Variants in KAZN observed in about 807,000 individuals in gnomAD.
KAZN encodes the protein kazrin.
In KAZN, 40 loss-of-function variants were observed where a neutral mutation model predicts 87.4. The ratio of observed to expected loss-of-function variants is 0.46; its 90% CI spans 0.36 to 0.60. The LOEUF (loss-of-function observed/expected upper bound fraction) is 0.60, where lower values mean the gene tolerates loss of function less well. Among genes scored for constraint, KAZN ranks in the 20% least tolerant of loss-of-function variants. The pLI, the probability that KAZN is intolerant of heterozygous loss-of-function variation, is 0.00. For missense variants in KAZN, 898 were observed against 1,073.9 expected, an observed-to-expected ratio of 0.84 and a Z score of 2.29; for synonymous variants, 466 against 458.3, an observed-to-expected ratio of 1.02 and a Z score of -0.22.
chr1:14,769,756 G>A lies in KAZN; in HGVS notation c.226+170533G>A, dbSNP rs1255797418. On this transcript the variant is annotated intron_variant, in intron 1 of 14. Coordinates refer to ENST00000376030, the MANE Select transcript of KAZN (RefSeq NM_201628.3). This position sits in a 1 kb window ranked among gnomAD's most constrained non-coding sequence, Gnocchi z 4.1. ...TTCGTTCATTTAGTCAGCAAACATG[G>A]ATTGACCATCCTCTGTGTGCTGCCA... 2.0e-5 allele frequency among the ~76,000 whole-genome samples: 3 copies of A among 152,202 alleles called. No homozygotes were observed. The highest frequency in any genetic ancestry group is 3.9e-4 in the East Asian group (2 of 5,188).
chr1:14,382,563 G>A (rs1373133900), intron 2 of KAZN, among the ~76,000 whole-genome samples: 13 of 146,958 alleles, frequency 8.8e-5, no homozygotes, highest in East Asian at 8.3e-4. Flanking sequence ...GTGAGAATAT[G>A]CGGTGTTTGG....
At chr1:14,531,466 A>G (rs532880950) in intron 2 of KAZN, among the ~76,000 whole-genome samples, 2 of 152,298 alleles carry the variant, frequency 1.3e-5, no homozygotes, top group African/African-American at 2.4e-5. Context: ...GGCAGAACCC[A>G]TCAGGATCAC....
intron 1 of KAZN, among the ~76,000 whole-genome samples, chr1:14,883,322 G>GAA (rs1653564925): frequency 5.6e-5 from 2 of 35,932 alleles, no homozygotes; most frequent in African/African-American, 1.5e-4. Flanking sequence ...GAAAGAAAGA[G>GAA]AGAGAGAGAG....
rs535968123 is a variant in KAZN, at chr1:14,969,394, G to A, written c.418+8519G>A. ...ATGTTCCTCTTTAGTAAATTCATAC[G>A]CTTGAAGCTACTGCTGTTTCTTTAG... is the stretch of plus-strand genomic sequence containing the variant. On this transcript the variant is annotated intron_variant, in intron 2 of 14. Coordinates refer to ENST00000376030, the MANE Select transcript of KAZN (RefSeq NM_201628.3). Among the ~76,000 whole-genome samples, 17 of 152,302 alleles carry A rather than the reference G, an allele frequency of 1.1e-4. No homozygotes were observed. In the East Asian group the frequency reaches 2.3e-3, roughly 21 times the overall value.
At chr1:14,082,190 C>T (rs1643700550) in intron 1 of KAZN, among the ~76,000 whole-genome samples, 1 of 152,144 alleles carries the variant, frequency 6.6e-6, no homozygotes, top group African/African-American at 2.4e-5. Flanking sequence ...TGTATTTATT[C>T]TCTTCTAAGT....
chr1:14,185,016 C>T lies in KAZN; in HGVS notation c.249+4424C>T, dbSNP rs552773066. Among the ~76,000 whole-genome samples the T allele has an allele frequency of 9.2e-5, 14 of 152,228 alleles. No individual in the cohort carries two copies. The South Asian group carries it at 1.5e-3, about 16-fold the overall frequency. ...TTATCTGGAGCTTTCTAGCTGCTGC[C>T]GGCTTTAGGGTTATGCCTATGAATG... On this transcript the variant is annotated intron_variant, in intron 2 of 16. Transcript: ENST00000636203.
chr1:14,053,164 G>A (rs1365388824), intron 1 of KAZN, among the ~76,000 whole-genome samples: 1 of 152,174 alleles, frequency 6.6e-6, no homozygotes, highest in Admixed American at 6.5e-5. Flanking sequence ...AGTTGCTGTT[G>A]TTCTCCCACT....
At chr1:14,491,310 AT>A (rs1193798534) in intron 2 of KAZN, among the ~76,000 whole-genome samples, 1 of 151,980 alleles carries the variant, frequency 6.6e-6, no homozygotes, top group Non-Finnish European at 1.5e-5. Context: ...CTCTTTTTTT[AT>A]TATTGTTATA....
At chr1:14,628,047 C>T (rs1296969073) in intron 1 of KAZN, among the ~76,000 whole-genome samples, 4 of 152,130 alleles carry the variant, frequency 2.6e-5, no homozygotes, top group Admixed American at 6.5e-5. Context: ...TAGGCAGCAC[C>T]CATCCATCCA....
chr1:14,612,102 T>A (rs1677869633), intron 1 of KAZN, among the ~76,000 whole-genome samples: 1 of 152,136 alleles, frequency 6.6e-6, no homozygotes, highest in Admixed American at 6.5e-5. Flanking sequence ...AGGAGGAGCT[T>A]AATAAATGGT....
intron 2 of KAZN, among the ~76,000 whole-genome samples, chr1:14,361,393 G>A (rs1659499689): frequency 4.6e-5 from 7 of 152,242 alleles, no homozygotes; most frequent in Admixed American, 4.6e-4. Flanking sequence ...GACCTGCTGA[G>A]CACTTGGGTG....
At chr1:14,119,162 ATCT>A (rs1460031873) in intron 1 of KAZN, among the ~76,000 whole-genome samples, 1 of 152,182 alleles carries the variant, frequency 6.6e-6, no homozygotes, top group Admixed American at 6.5e-5. Context: ...TTTTAAAAAA[ATCT>A]TCTTTCCCGC....
At chr1:14,948,661 G>T (rs1470193221) in intron 1 of KAZN, among the ~76,000 whole-genome samples, 1 of 152,154 alleles carries the variant, frequency 6.6e-6, no homozygotes, top group Non-Finnish European at 1.5e-5. Flanking sequence ...GTCCAGCGGG[G>T]GCTAATAGAG....
At chr1:14,736,933 A>C (rs1291863409) in intron 1 of KAZN, among the ~76,000 whole-genome samples, 1 of 152,174 alleles carries the variant, frequency 6.6e-6, no homozygotes, top group Non-Finnish European at 1.5e-5. Context: ...ATAGAGAACA[A>C]AACAGACCAA....
intron 1 of KAZN, among the ~76,000 whole-genome samples, chr1:14,898,229 G>A (rs967409587): frequency 1.3e-5 from 2 of 152,110 alleles, no homozygotes; most frequent in African/African-American, 4.8e-5. Context: ...TCATTTCACT[G>A]AATGTTCATC....
At chr1:14,406,305 C>T (rs572495477) in intron 2 of KAZN, among the ~76,000 whole-genome samples, 1 of 151,960 alleles carries the variant, frequency 6.6e-6, no homozygotes, top group Admixed American at 6.6e-5. Flanking sequence ...CATCAATCAA[C>T]AAGTGGATAA....
intron 2 of KAZN, among the ~76,000 whole-genome samples, chr1:14,581,268 G>A (rs590487): frequency 0.33 from 49,424 of 151,960 alleles, 8,716 homozygotes; most frequent in Admixed American, 0.41. Context: ...GGAAATGAAT[G>A]TTTCATTCTT....
intron 1 of KAZN, among the ~76,000 whole-genome samples, chr1:14,838,312 A>G (rs926737322): frequency 2.6e-5 from 4 of 152,226 alleles, no homozygotes; most frequent in Admixed American, 1.3e-4. Flanking sequence ...GATAAGTTTC[A>G]ACATATGAAA....
intron 2 of KAZN, among the ~76,000 whole-genome samples, chr1:14,593,388 C>T (rs1019282651): frequency 3.9e-5 from 6 of 152,154 alleles, no homozygotes; most frequent in Non-Finnish European, 4.4e-5. Flanking sequence ...CCCTGCCTTC[C>T]TGAGGCTCAC....
Sources: allele counts gnomAD v4.1 joint callset (sites outside exome capture counted in the v4.1 genomes callset), GRCh38; gene constraint gnomAD v4.1.1; non-coding constraint Gnocchi (gnomAD v3.1); transcripts MANE v1.5; gene names NCBI Gene and HGNC (gene_info 2026-07-23, HGNC 2026-07-21).